The following SH3GL3 variants were observed in gnomAD, a reference collection of about 807,000 sequenced individuals.
SH3GL3 encodes SH3 domain containing GRB2 like 3, endophilin A3, also known as endophilin-A3.
In SH3GL3, 33 loss-of-function variants were observed where a neutral mutation model predicts 47.7. The ratio of observed to expected loss-of-function variants is 0.69; its 90% CI spans 0.52 to 0.92. The LOEUF (loss-of-function observed/expected upper bound fraction) is 0.92, where lower values mean the gene tolerates loss of function less well. SH3GL3 is among the 40% of genes least tolerant of loss of function. The pLI is 0.00. For missense variants in SH3GL3, 363 were observed against 417.8 expected (o/e 0.87, Z 1.14); for synonymous variants, 155 against 148.8 (o/e 1.04, Z -0.30).
At chr15:83,579,667 A>T (rs746640154) in intron 6 of SH3GL3, among the ~76,000 whole-genome samples, 14 of 152,158 alleles carry the variant, frequency 9.2e-5, no homozygotes, top group Non-Finnish European at 1.8e-4. Context: ...CCCATGATAA[A>T]GAGGCTAAGG....
intron 1 of SH3GL3, among the ~76,000 whole-genome samples, chr15:83,530,548 G>C (rs1302490812): frequency 6.6e-6 from 1 of 151,510 alleles, no homozygotes; most frequent in Non-Finnish European, 1.5e-5. Flanking sequence ...CTTTTTTGGG[G>C]AGGTGGTGAG....
chr15:83,510,382 C>T lies in SH3GL3; in HGVS notation c.46-48871C>T, dbSNP rs190834003. On this transcript the variant is annotated intron_variant, in intron 1 of 8. Coordinates refer to ENST00000427482, the MANE Select transcript of SH3GL3 (RefSeq NM_003027.5). ...TGATGGCCCACTATATTACATATTT[C>T]GGGGGAAAAATTAGCTTTGCTTATA... 9.2e-5 allele frequency among the ~76,000 whole-genome samples: 14 copies of T among 152,182 alleles called. No individual in the cohort carries two copies. The East Asian group carries it at 1.4e-3, about 15-fold the overall frequency.
chr15:83,601,518 A>C (rs1174768746), intron 8 of SH3GL3, among the ~76,000 whole-genome samples: 1 of 152,186 alleles, frequency 6.6e-6, no homozygotes. Flanking sequence ...GCGTATGTTA[A>C]ACCATCCCTG....
the SH3GL3 span, among the ~76,000 whole-genome samples, chr15:83,625,687 T>A: frequency 6.6e-6 from 1 of 152,254 alleles, no homozygotes; most frequent in African/African-American, 2.4e-5. Flanking sequence ...TTTTAAGTCA[T>A]TTTATTGGGA....
chr15:83,529,055 G>A (rs894962400), intron 1 of SH3GL3, among the ~76,000 whole-genome samples: 2 of 146,740 alleles, frequency 1.4e-5, no homozygotes, highest in African/African-American at 2.5e-5. Context: ...GTCTCGGTAT[G>A]ATTTATTTGA....
At chr15:83,603,806 A>G (rs965918972) in intron 8 of SH3GL3, among the ~76,000 whole-genome samples, 8 of 152,206 alleles carry the variant, frequency 5.3e-5, no homozygotes, top group African/African-American at 1.9e-4. Context: ...TTATAGGCAA[A>G]AAGTTTTTCA....
chr15:83,515,526 G>A (rs117851752), intron 1 of SH3GL3, among the ~76,000 whole-genome samples: 7 of 149,456 alleles, frequency 4.7e-5, no homozygotes, highest in Non-Finnish European at 9.0e-5. Flanking sequence ...CCATGCAGGT[G>A]GGGGGGGAGG....
At chr15:83,550,676 C>T (rs1359660507) in intron 1 of SH3GL3, among the ~76,000 whole-genome samples, 1 of 152,186 alleles carries the variant, frequency 6.6e-6, no homozygotes, top group African/African-American at 2.4e-5. Context: ...AGACATGAGC[C>T]ACTGTGCCCG....
intron 8 of SH3GL3, among the ~76,000 whole-genome samples, chr15:83,596,748 G>A (rs905858734): frequency 1.3e-5 from 2 of 152,058 alleles, no homozygotes; most frequent in African/African-American, 4.8e-5. Flanking sequence ...GATTATAGGC[G>A]TGAGCCACTG....
chr15:83,527,522 A>G (rs1264700305), intron 1 of SH3GL3, among the ~76,000 whole-genome samples: 3 of 152,140 alleles, frequency 2.0e-5, no homozygotes, highest in Admixed American at 2.0e-4. Flanking sequence ...TCTGACATAA[A>G]TATAGCCATT....
At chr15:83,605,734 G>A (rs2060497290) in intron 8 of SH3GL3, among the ~76,000 whole-genome samples, 1 of 152,118 alleles carries the variant, frequency 6.6e-6, no homozygotes, top group South Asian at 2.1e-4. Flanking sequence ...CCAACTCTAG[G>A]TCCTGGCTGG....
intron 6 of SH3GL3, among the ~76,000 whole-genome samples, chr15:83,585,396 T>C (rs2059929264): frequency 6.6e-6 from 1 of 152,236 alleles, no homozygotes; most frequent in Non-Finnish European, 1.5e-5. Flanking sequence ...AATATTAATT[T>C]AGCTATCTTT....
chr15:83,470,757 C>T (rs771083147), intron 1 of SH3GL3, among the ~76,000 whole-genome samples: 2 of 151,768 alleles, frequency 1.3e-5, no homozygotes, highest in Non-Finnish European at 2.9e-5. Context: ...TTTTAGTATT[C>T]CATTTTGGTT....
At chr15:83,554,730 T>A (rs2044854666) in intron 1 of SH3GL3, among the ~76,000 whole-genome samples, 1 of 152,222 alleles carries the variant, frequency 6.6e-6, no homozygotes, top group African/African-American at 2.4e-5. Flanking sequence ...TCCTTCATTG[T>A]CCCTGGCATC....
intron 8 of SH3GL3, among the ~76,000 whole-genome samples, chr15:83,608,795 G>T (rs2060592917): frequency 6.7e-6 from 1 of 149,396 alleles, no homozygotes; most frequent in Non-Finnish European, 1.5e-5. Context: ...GTCTGATGGT[G>T]CAGGTACAGT....
At chr15:83,582,329 C>G (rs1235241649) in intron 6 of SH3GL3, among the ~76,000 whole-genome samples, 1 of 152,148 alleles carries the variant, frequency 6.6e-6, no homozygotes, top group Non-Finnish European at 1.5e-5. Flanking sequence ...CGGGATCCTC[C>G]TTCCATTCAT....
At chr15:83,475,788 G>C (rs568068506) in intron 1 of SH3GL3, among the ~76,000 whole-genome samples, 379 of 152,278 alleles carry the variant, frequency 2.5e-3, no homozygotes, top group Non-Finnish European at 4.2e-3. Flanking sequence ...GTAGACTCCT[G>C]GTTGCTGAAG....
Position 83,448,607 on chromosome 15 carries a change from C to G in SH3GL3, c.45+1029C>G, listed in dbSNP as rs1486854224. ...TCTGTTGCTTCTCACCACCTCTCCC[C>G]GCAACCCCAGCCCCCATTTTGCTAG... On this transcript the variant is annotated intron_variant, in intron 1 of 8. Coordinates refer to ENST00000427482, the MANE Select transcript of SH3GL3 (RefSeq NM_003027.5). This position sits in a 1 kb window ranked among gnomAD's most constrained non-coding sequence, Gnocchi z 4.2. Among the ~76,000 whole-genome samples, 1 of 152,100 alleles carries G rather than the reference C, an allele frequency of 6.6e-6. No individual in the cohort carries two copies. Among genetic ancestry groups the G allele is most frequent in the Admixed American group, 6.5e-5 (1 of 15,268 alleles).
intron 6 of SH3GL3, among the ~76,000 whole-genome samples, chr15:83,583,192 A>C (rs2059875612): frequency 6.6e-6 from 1 of 152,152 alleles, no homozygotes; most frequent in African/African-American, 2.4e-5. Flanking sequence ...ACACTTGCAG[A>C]CCCCAGGCGT....
Sources: gnomAD v4.1 joint callset for allele counts (sites outside exome capture counted in the v4.1 genomes callset) on GRCh38, gnomAD v4.1.1 for gene constraint, Gnocchi (gnomAD v3.1) non-coding constraint, MANE v1.5 for transcripts, NCBI Gene and HGNC (gene_info 2026-07-23, HGNC 2026-07-21) for gene names.